Variants in TNS3 observed in about 807,000 individuals in gnomAD.
The protein encoded by TNS3 is tensin-3.
In TNS3, 45 loss-of-function variants were observed where a neutral mutation model predicts 140.9. That is an observed-to-expected ratio of 0.32 (90% confidence interval 0.25 to 0.41). The LOEUF (loss-of-function observed/expected upper bound fraction) is 0.41. TNS3 is among the 10% of genes least tolerant of loss of function. The pLI, the probability that TNS3 is intolerant of heterozygous loss-of-function variation, is 1.00. For missense variants in TNS3, 1,716 were observed against 1,906.7 expected (o/e 0.90, Z 1.86); for synonymous variants, 815 against 788.4 (o/e 1.03, Z -0.56).
intron 16 of TNS3, among the ~76,000 whole-genome samples, chr7:47,372,729 C>G (rs983920505): frequency 2.0e-5 from 3 of 152,194 alleles, no homozygotes; most frequent in Admixed American, 6.5e-5. Flanking sequence ...CGTTCAACCA[C>G]CTTCCTATTA....
chr7:47,298,228 T>C (rs1786166221), intron 23 of TNS3, among the ~76,000 whole-genome samples: 2 of 152,246 alleles, frequency 1.3e-5, no homozygotes, highest in Non-Finnish European at 2.9e-5. Context: ...CGTGGCTCCA[T>C]GGCTGATGTG....
At chr7:47,435,259 A>C in intron 8 of TNS3, 23 bp downstream of exon 8, 1 of 1,612,968 alleles carries the variant, frequency 6.2e-7, no homozygotes, top group Non-Finnish European at 8.5e-7. Context: ...CAGACCCCCA[A>C]ATGTGAGAGG....
intron 20 of TNS3, among the ~76,000 whole-genome samples, chr7:47,325,048 G>A (rs1787953562): frequency 1.3e-5 from 2 of 151,942 alleles, no homozygotes; most frequent in Non-Finnish European, 2.9e-5. Context: ...CAGACTTGGA[G>A]GAGTCAGCTT....
At chr7:47,362,445 T>A (rs969847427) in intron 17 of TNS3, among the ~76,000 whole-genome samples, 1 of 152,200 alleles carries the variant, frequency 6.6e-6, no homozygotes, top group Non-Finnish European at 1.5e-5. Flanking sequence ...AAGGATCATT[T>A]GCAGTTCCGC....
At chr7:47,354,828 C>T (rs1789896383) in intron 17 of TNS3, among the ~76,000 whole-genome samples, 1 of 152,154 alleles carries the variant, frequency 6.6e-6, no homozygotes, top group Admixed American at 6.5e-5. Context: ...CGGTGACACG[C>T]TCATTGTCCA....
intron 16 of TNS3, among the ~76,000 whole-genome samples, chr7:47,382,661 C>T (rs1333875599): frequency 6.6e-6 from 1 of 151,976 alleles, no homozygotes; most frequent in African/African-American, 2.4e-5. Context: ...AAGACACCAG[C>T]ACCCCCCAGT....
In TNS3 at chr7:47,297,104, T is replaced by C; in HGVS notation, c.3654A>G (p.Ser1218=). 5 of 1,614,168 alleles carry C rather than the reference T, an allele frequency of 3.1e-6. No homozygotes were observed. Among genetic ancestry groups the C allele is most frequent in the Non-Finnish European group, 4.2e-6 (5 of 1,180,032 alleles). ...TACCTTTCTTGTTCAGCTGCAGGAC[T>C]GAAGGTGGGGGCGTGGCCACCTTCA... is the stretch of plus-strand genomic sequence containing the variant. ...LAMKVATPPP[S]VLQLNKKAGD... is the part of the protein sequence containing the mutation. Residue 1218 remains serine, a synonymous_variant, in exon 24 of 31, where the codon TCA becomes TCG. Coordinates refer to ENST00000311160, the MANE Select transcript of TNS3 (RefSeq NM_022748.12).
intron 1 of TNS3, among the ~76,000 whole-genome samples, chr7:47,564,529 G>A (rs1319020513): frequency 1.3e-5 from 2 of 151,204 alleles, no homozygotes; most frequent in East Asian, 2.0e-4. Flanking sequence ...CCAGCTACTC[G>A]GGAGGCTGAG....
At position 47,516,571 on chromosome 7, in the gene TNS3, G is replaced by A. The variant is rs141526539; in HGVS notation, c.-152-9627C>T. Among the ~76,000 whole-genome samples the A allele has an allele frequency of 3.8e-3, 574 of 152,134 alleles. 2 individuals carry two copies. The highest frequency in any genetic ancestry group is 5.9e-3 in the Non-Finnish European group (400 of 67,996). ...CATCCCCACATCCTGCCTCTACCCC[G>A]TTCTACACCCACAGTGACTGTGCCC... On this transcript the variant is annotated intron_variant, in intron 2 of 30. Transcript: ENST00000311160.
At chr7:47,482,969 A>C (rs949700810) in intron 3 of TNS3, among the ~76,000 whole-genome samples, 1 of 152,146 alleles carries the variant, frequency 6.6e-6, no homozygotes, top group African/African-American at 2.4e-5. Context: ...CCATGAAGCT[A>C]TTCTGCTTGA....
chr7:47,340,992 G>T (rs1371196554), intron 20 of TNS3, among the ~76,000 whole-genome samples: 1 of 152,020 alleles, frequency 6.6e-6, no homozygotes, highest in African/African-American at 2.4e-5. Flanking sequence ...TTTTTGGATT[G>T]ACTGATATAG....
intron 1 of TNS3, among the ~76,000 whole-genome samples, chr7:47,549,405 G>A (rs1001933568): frequency 6.6e-6 from 1 of 152,114 alleles, no homozygotes; most frequent in Non-Finnish European, 1.5e-5. Flanking sequence ...TGAGGCAGGA[G>A]AATCACTTGA....
intron 2 of TNS3, among the ~76,000 whole-genome samples, chr7:47,524,668 G>A (rs369659329): frequency 0.069 from 10,188 of 146,780 alleles, 482 homozygotes; most frequent in African/African-American, 0.12. Flanking sequence ...CGGGCGCGGT[G>A]GCGGGCGCCT....
chr7:47,429,336 C>T (rs920731927), intron 8 of TNS3, among the ~76,000 whole-genome samples: 3 of 151,970 alleles, frequency 2.0e-5, no homozygotes, highest in African/African-American at 7.3e-5. Context: ...TGCAGCAAGA[C>T]CACGGGGACT....
intron 3 of TNS3, chr7:47,481,600 C>T: frequency 1.1e-6 from 1 of 949,658 alleles, no homozygotes; most frequent in Non-Finnish European, 1.3e-6. Flanking sequence ...GCCATCTTTT[C>T]TAGAACTATT....
chr7:47,334,625 T>TC (rs35815196), intron 20 of TNS3, among the ~76,000 whole-genome samples: 10 of 150,156 alleles, frequency 6.7e-5, no homozygotes, highest in African/African-American at 2.5e-4. Flanking sequence ...TTTTTTTTTT[T>TC]GACAGAGTCT....
chr7:47,373,655 CAGA>C (rs986036932), intron 16 of TNS3, among the ~76,000 whole-genome samples: 5 of 152,216 alleles, frequency 3.3e-5, no homozygotes, highest in African/African-American at 4.8e-5. Flanking sequence ...TACTTGCATT[CAGA>C]AGAACTGCAC....
In TNS3 at chr7:47,369,453, G is replaced by A. The variant is rs182164595; in HGVS notation, c.1193C>T (p.Ala398Val). ...TTCCGTCTTATCCGTCCTGGCAGAGGCTGTAGAGTGGCCGGAGTCACTGCT... is the reference window on the plus strand; with the variant it reads ...TTCCGTCTTATCCGTCCTGGCAGAGACTGTAGAGTGGCCGGAGTCACTGCT... ...SVSSDSGHST[A>V]SARTDKTEER... is the part of the protein sequence containing the mutation. Residue 398 changes from alanine (A) to valine (V), a missense_variant, in exon 17 of 31, where the codon GCC (alanine) becomes GTC (valine). Physicochemically the swap from Ala to Val is moderately conservative, Grantham distance 64. Coordinates refer to ENST00000311160, the MANE Select transcript of TNS3 (RefSeq NM_022748.12). The A allele has an allele frequency of 6.2e-7, 1 of 1,614,198 alleles. No individual in the cohort carries two copies. The highest frequency in any genetic ancestry group is 1.7e-5 in the Admixed American group (1 of 60,034).
intron 16 of TNS3, among the ~76,000 whole-genome samples, chr7:47,385,541 C>A (rs1164047765): frequency 1.3e-5 from 2 of 152,166 alleles, no homozygotes; most frequent in Non-Finnish European, 1.5e-5. Context: ...ACAGAGCCTG[C>A]CTGACAAGCA....
Sources: gnomAD v4.1 joint callset for allele counts (sites outside exome capture counted in the v4.1 genomes callset) on GRCh38, gnomAD v4.1.1 for gene constraint, MANE v1.5 for transcripts, NCBI Gene and HGNC (gene_info 2026-07-23, HGNC 2026-07-21) for gene names.